SLC22A3: variants seen among roughly 807,000 people sequenced by gnomAD.
SLC22A3 encodes the protein EMT organic cation transporter 3.
A neutral mutation model predicts 59.1 loss-of-function variants in SLC22A3; 51 were observed. The ratio of observed to expected loss-of-function variants is 0.86; its 90% CI spans 0.69 to 1.09. SLC22A3 has a LOEUF of 1.09. SLC22A3 is among the 50% of genes least tolerant of loss of function. The pLI, the probability that SLC22A3 is intolerant of heterozygous loss-of-function variation, is 0.00. For missense variants in SLC22A3, 711 were observed against 726.3 expected (o/e 0.98, Z 0.24); for synonymous variants, 325 against 292.0 (o/e 1.11, Z -1.15).
Position 160,415,987 on chromosome 6 carries a change from T to C in SLC22A3, c.975+5141T>C, listed in dbSNP as rs980842297. Among the ~76,000 whole-genome samples, 1 of 152,216 alleles carries C rather than the reference T, an allele frequency of 6.6e-6. No individual in the cohort carries two copies. Among genetic ancestry groups the C allele is most frequent in the African/African-American group, 2.4e-5 (1 of 41,462 alleles). On this transcript the variant is annotated intron_variant, in intron 5 of 10. Coordinates refer to ENST00000275300, the MANE Select transcript of SLC22A3 (RefSeq NM_021977.4). This position sits in a 1 kb window ranked among gnomAD's most constrained non-coding sequence, Gnocchi z 4.1. ...GGGAAAATATGAGAGGAAAATAGTA[T>C]GACAGATTTGATCCAACATTGAAAC...
At chr6:160,417,544 AG>A (rs1303452262) in intron 5 of SLC22A3, among the ~76,000 whole-genome samples, 1 of 152,210 alleles carries the variant, frequency 6.6e-6, no homozygotes, top group Non-Finnish European at 1.5e-5. Flanking sequence ...TTGGTGATGC[AG>A]GGGTATCTGA....
intron 1 of SLC22A3, among the ~76,000 whole-genome samples, chr6:160,385,877 T>G (rs967554127): frequency 4.6e-5 from 7 of 152,242 alleles, no homozygotes; most frequent in Admixed American, 4.6e-4. Flanking sequence ...GAATTTGTGT[T>G]AATGTATTGG....
intron 1 of SLC22A3, among the ~76,000 whole-genome samples, chr6:160,363,175 T>C (rs1424843121): frequency 6.6e-6 from 1 of 152,196 alleles, no homozygotes; most frequent in Non-Finnish European, 1.5e-5. Context: ...GGGGCGATGG[T>C]CCAGCAGGAG....
At chr6:160,354,034 C>G (rs1463823301) in intron 1 of SLC22A3, among the ~76,000 whole-genome samples, 1 of 152,048 alleles carries the variant, frequency 6.6e-6, no homozygotes, top group Admixed American at 6.6e-5. Flanking sequence ...AACTGGGGAG[C>G]GGGGGAAGCC....
At chr6:160,355,368 G>C (rs1034332235) in intron 1 of SLC22A3, among the ~76,000 whole-genome samples, 3 of 152,120 alleles carry the variant, frequency 2.0e-5, no homozygotes, top group South Asian at 4.1e-4. Flanking sequence ...CTTAGCCCCC[G>C]GGGCTCCCAC....
chr6:160,423,473 C>T (rs528391505), intron 5 of SLC22A3, among the ~76,000 whole-genome samples: 169 of 140,276 alleles, frequency 1.2e-3, no homozygotes, highest in South Asian at 6.8e-3. Context: ...TTCTATTTCT[C>T]CACATCCTCT....
chr6:160,362,029 A>C (rs1785029360), intron 1 of SLC22A3, among the ~76,000 whole-genome samples: 1 of 152,212 alleles, frequency 6.6e-6, no homozygotes, highest in Admixed American at 6.5e-5. Flanking sequence ...TAAGTGTGCT[A>C]ATACTGCAGA....
intron 2 of SLC22A3, among the ~76,000 whole-genome samples, chr6:160,401,914 A>G (rs1204003849): frequency 2.0e-5 from 3 of 151,970 alleles, no homozygotes; most frequent in Non-Finnish European, 4.4e-5. Context: ...AATCCTATAA[A>G]CTGCTGTTCA....
chr6:160,394,134 A>G (rs1258371952), intron 1 of SLC22A3, among the ~76,000 whole-genome samples: 2 of 152,222 alleles, frequency 1.3e-5, no homozygotes, highest in Admixed American at 1.3e-4. Flanking sequence ...TTGCATGTGT[A>G]TACTTTGAAA....
At chr6:160,352,457 G>A (rs1280133171) in intron 1 of SLC22A3, among the ~76,000 whole-genome samples, 3 of 152,118 alleles carry the variant, frequency 2.0e-5, no homozygotes, top group Non-Finnish European at 4.4e-5. Flanking sequence ...CACTGCCCAG[G>A]GAGTGTCTTC....
At chr6:160,431,735 TA>T (rs60908547) in intron 5 of SLC22A3, among the ~76,000 whole-genome samples, 4,206 of 151,534 alleles carry the variant, frequency 0.028, 112 homozygotes, top group African/African-American at 0.06. Context: ...AACTATTTGC[TA>T]AAAAAAAATT....
At position 160,448,863 on chromosome 6, in the gene SLC22A3, A is replaced by G. The variant is rs183712562; in HGVS notation, c.1610+1045A>G. Reference sequence around the variant, plus strand: ...CCATACTGTTTGATTTTCTTTAAAAATTAGAACACGTAGTCTTGTGTTGCT... The same window carrying G: ...CCATACTGTTTGATTTTCTTTAAAAGTTAGAACACGTAGTCTTGTGTTGCT... On this transcript the variant is annotated intron_variant, in intron 10 of 10. Coordinates refer to ENST00000275300, the MANE Select transcript of SLC22A3 (RefSeq NM_021977.4). Among the ~76,000 whole-genome samples the G allele has an allele frequency of 2.4e-4, 36 of 152,330 alleles. No individual in the cohort carries two copies. In the East Asian group the frequency reaches 6.6e-3, roughly 28 times the overall value.
chr6:160,390,182 C>T (rs778978395), intron 1 of SLC22A3, among the ~76,000 whole-genome samples: 1 of 152,170 alleles, frequency 6.6e-6, no homozygotes, highest in East Asian at 1.9e-4. Context: ...GTTAAGCACT[C>T]CTTAGCCTGA....
chr6:160,418,986 A>C (rs945296970), intron 5 of SLC22A3, among the ~76,000 whole-genome samples: 23 of 152,336 alleles, frequency 1.5e-4, no homozygotes, highest in Non-Finnish European at 2.9e-5. Flanking sequence ...AATAATGTTC[A>C]CACATAAACA....
intron 1 of SLC22A3, among the ~76,000 whole-genome samples, chr6:160,396,124 G>A (rs1356607053): frequency 6.6e-6 from 1 of 152,150 alleles, no homozygotes; most frequent in Non-Finnish European, 1.5e-5. Flanking sequence ...TAAGGATGCA[G>A]GTTCCTACCC....
intron 7 of SLC22A3, among the ~76,000 whole-genome samples, chr6:160,438,083 C>T (rs181782524): frequency 1.3e-5 from 2 of 152,240 alleles, no homozygotes; most frequent in Admixed American, 6.5e-5. Context: ...GCAGGAGTTA[C>T]AATTGGGGCA....
chr6:160,432,940 T>C (rs1044388281), intron 5 of SLC22A3, among the ~76,000 whole-genome samples: 24 of 152,210 alleles, frequency 1.6e-4, no homozygotes, highest in African/African-American at 5.5e-4. Context: ...GTAATAGGAA[T>C]GATAGTAGTA....
intron 2 of SLC22A3, among the ~76,000 whole-genome samples, chr6:160,401,967 A>G (rs1236076568): frequency 6.6e-6 from 1 of 151,984 alleles, no homozygotes; most frequent in African/African-American, 2.4e-5. Context: ...ATACAAACAT[A>G]AGAATAAAAA....
chr6:160,444,642 G>A (rs541264098), intron 9 of SLC22A3, among the ~76,000 whole-genome samples: 4 of 152,280 alleles, frequency 2.6e-5, no homozygotes, highest in South Asian at 4.1e-4. Flanking sequence ...CTGCTCCAAC[G>A]GTCCTGCCTG....
Sources: gnomAD v4.1 joint callset for allele counts (sites outside exome capture counted in the v4.1 genomes callset) on GRCh38, gnomAD v4.1.1 for gene constraint, Gnocchi (gnomAD v3.1) non-coding constraint, MANE v1.5 for transcripts, NCBI Gene and HGNC (gene_info 2026-07-23, HGNC 2026-07-21) for gene names.